Variants in GRID2 observed in about 807,000 individuals in gnomAD.
GRID2 encodes glutamate ionotropic receptor delta type subunit 2, also known as glutamate receptor ionotropic, delta-2.
In GRID2, 33 loss-of-function variants were observed where a neutral mutation model predicts 114.8. The ratio of observed to expected loss-of-function variants is 0.29; its 90% CI spans 0.22 to 0.38. The LOEUF is 0.38. Ranked by LOEUF, GRID2 falls within the 10% of genes least tolerant of loss-of-function variation. The pLI is 1.00. For missense variants in GRID2, 1,184 were observed against 1,257.7 expected (o/e 0.94, Z 0.89); for synonymous variants, 505 against 449.9 (o/e 1.12, Z -1.55).
chr4:92,956,344 A>G (rs1752411298), intron 2 of GRID2, among the ~76,000 whole-genome samples: 1 of 152,218 alleles, frequency 6.6e-6, no homozygotes, highest in Admixed American at 6.5e-5. Context: ...GGTATTATGC[A>G]GAATAGTTTC....
Position 93,076,799 on chromosome 4 carries a change from G to C in GRID2, c.245-8196G>C, listed in dbSNP as rs1026071860. 2.6e-5 allele frequency among the ~76,000 whole-genome samples: 4 copies of C among 151,782 alleles called. No individual in the cohort carries two copies. The East Asian group carries it at 7.8e-4, about 29-fold the overall frequency. On this transcript the variant is annotated intron_variant, in intron 2 of 15. Transcript: ENST00000282020. ...TTCCCGGCTAATTTTTGTATTTTTA[G>C]TAGAGACGGGGTATCACCATGTTGG...
rs1229992885 is a variant in GRID2 at position 92,615,101 on chromosome 4, C to G, written c.244+24815C>G. On this transcript the variant is annotated intron_variant, in intron 2 of 15. Transcript: ENST00000282020. ...CTTAAAAGTCTGGAGACTAAAAGTC[C>G]AAGAACAATGTGCCAACAGTTCCAG... Among the ~76,000 whole-genome samples the G allele has an allele frequency of 2.0e-5, 3 of 151,576 alleles. No individual in the cohort carries two copies. The East Asian group carries it at 5.8e-4, about 30-fold the overall frequency.
chr4:93,500,530 T>A (rs1160308333), intron 12 of GRID2, among the ~76,000 whole-genome samples: 1 of 152,040 alleles, frequency 6.6e-6, no homozygotes, highest in Non-Finnish European at 1.5e-5. Context: ...GGAGCTACTG[T>A]TTCTGACACA....
At chr4:93,499,686 A>G (rs1310119935) in intron 12 of GRID2, among the ~76,000 whole-genome samples, 3 of 151,936 alleles carry the variant, frequency 2.0e-5, no homozygotes, top group Non-Finnish European at 4.4e-5. Flanking sequence ...AGACTATGTT[A>G]TATCCATCTT....
chr4:92,694,116 T>G (rs1372946072), intron 2 of GRID2, among the ~76,000 whole-genome samples: 4 of 152,056 alleles, frequency 2.6e-5, no homozygotes, highest in Non-Finnish European at 5.9e-5. Flanking sequence ...ACTCGAAAAG[T>G]GTAAAATGCT....
rs545148049 is a variant in GRID2 at position 92,917,570 on chromosome 4, T to C, written c.245-167425T>C. On this transcript the variant is annotated intron_variant, in intron 2 of 15. Transcript: ENST00000282020. ...TAAGGAAGGGATCCATTTTGAGCTT[T>C]CTACATATGGCTAGCCAGTTTTCCC... Among the ~76,000 whole-genome samples, 6 of 152,356 alleles carry C rather than the reference T, an allele frequency of 3.9e-5. No homozygotes were observed. The South Asian group carries it at 1.2e-3, about 32-fold the overall frequency.
intron 2 of GRID2, among the ~76,000 whole-genome samples, chr4:92,943,203 A>C (rs1751314923): frequency 6.6e-6 from 1 of 152,286 alleles, no homozygotes; most frequent in South Asian, 2.1e-4. Flanking sequence ...ACTTTCAGGT[A>C]CACCAATCAG....
At chr4:92,377,105 A>G (rs530775648) in intron 1 of GRID2, among the ~76,000 whole-genome samples, 1 of 152,180 alleles carries the variant, frequency 6.6e-6, no homozygotes, top group Non-Finnish European at 1.5e-5. Flanking sequence ...TTTATTTTCT[A>G]TCACATTGTC....
At chr4:92,724,318 C>T (rs1735954778) in intron 2 of GRID2, among the ~76,000 whole-genome samples, 1 of 152,124 alleles carries the variant, frequency 6.6e-6, no homozygotes, top group African/African-American at 2.4e-5. Flanking sequence ...AGCGTCCACT[C>T]CCCACTCACC....
At chr4:93,076,192 CTT>C (rs1266161571) in intron 2 of GRID2, among the ~76,000 whole-genome samples, 3 of 151,998 alleles carry the variant, frequency 2.0e-5, no homozygotes, top group Admixed American at 6.6e-5. Flanking sequence ...GCAACTATCT[CTT>C]TTTATAAGCA....
In GRID2 at chr4:92,519,063, A is replaced by G. The variant is rs149700236; in HGVS notation, c.89-71068A>G. Among the ~76,000 whole-genome samples, 264 of 152,036 alleles carry G rather than the reference A, an allele frequency of 1.7e-3. 2 individuals carry two copies. Among genetic ancestry groups the G allele is most frequent in the Middle Eastern group, 6.8e-3 (2 of 294 alleles). Reference sequence around the variant, plus strand: ...AAGACAAACTATGATAGTATGTCATAGCTGGGGTGAGGAATAAGGGAAATA... The same window carrying G: ...AAGACAAACTATGATAGTATGTCATGGCTGGGGTGAGGAATAAGGGAAATA... On this transcript the variant is annotated intron_variant, in intron 1 of 15. Coordinates refer to ENST00000282020, the MANE Select transcript of GRID2 (RefSeq NM_001510.4).
intron 12 of GRID2, among the ~76,000 whole-genome samples, chr4:93,494,487 T>C (rs1250672051): frequency 1.3e-5 from 2 of 151,786 alleles, no homozygotes; most frequent in Non-Finnish European, 2.9e-5. Context: ...TTTCATAAAA[T>C]TTTACCTTGT....
chr4:92,968,801 T>C (rs1364418570), intron 2 of GRID2, among the ~76,000 whole-genome samples: 1 of 151,858 alleles, frequency 6.6e-6, no homozygotes, highest in Non-Finnish European at 1.5e-5. Flanking sequence ...GTCTCTATTA[T>C]GTATTTGTGG....
At chr4:92,643,217 T>G (rs2149255238) in intron 2 of GRID2, among the ~76,000 whole-genome samples, 1 of 151,896 alleles carries the variant, frequency 6.6e-6, no homozygotes, top group South Asian at 2.1e-4. Flanking sequence ...TGATATTGAT[T>G]CTTCTAATCC....
chr4:93,036,727 T>C lies in GRID2; in HGVS notation c.245-48268T>C, dbSNP rs544667379. ...AATACTTATGTCACATTTTTCAGTG[T>C]TCCCATACTATCAGGGAATGTGTAT... On this transcript the variant is annotated intron_variant, in intron 2 of 15. Transcript: ENST00000282020. Among the ~76,000 whole-genome samples the C allele has an allele frequency of 2.3e-4, 35 of 152,260 alleles. No homozygotes were observed. The South Asian group carries it at 7.0e-3, about 31-fold the overall frequency.
At chr4:92,354,962 G>T (rs768856944) in intron 1 of GRID2, among the ~76,000 whole-genome samples, 2 of 151,864 alleles carry the variant, frequency 1.3e-5, no homozygotes, top group Non-Finnish European at 2.9e-5. Flanking sequence ...TCTGAAAATT[G>T]TGCCCTGCTT....
At chr4:93,551,777 A>T (rs1462849990) in intron 13 of GRID2, among the ~76,000 whole-genome samples, 1 of 152,164 alleles carries the variant, frequency 6.6e-6, no homozygotes, top group African/African-American at 2.4e-5. Context: ...TTTTGCACCA[A>T]CCTAAACTTT....
intron 4 of GRID2, among the ~76,000 whole-genome samples, chr4:93,192,887 C>A (rs1223557469): frequency 6.6e-6 from 1 of 151,904 alleles, no homozygotes; most frequent in Non-Finnish European, 1.5e-5. Flanking sequence ...CCTGCCTTAT[C>A]TCATGAGATA....
At chr4:92,946,596 C>T (rs542080006) in intron 2 of GRID2, among the ~76,000 whole-genome samples, 1 of 152,210 alleles carries the variant, frequency 6.6e-6, no homozygotes, top group South Asian at 2.1e-4. Context: ...AACTCTACTG[C>T]ATATTACTCA....
Sources: allele counts gnomAD v4.1 joint callset (sites outside exome capture counted in the v4.1 genomes callset), GRCh38; gene constraint gnomAD v4.1.1; transcripts MANE v1.5; gene names NCBI Gene and HGNC (gene_info 2026-07-23, HGNC 2026-07-21).